The following SDK1 variants were observed in gnomAD, a reference collection of about 807,000 sequenced individuals.
SDK1 encodes protein sidekick-1.
Under a neutral mutation model 245.5 loss-of-function variants are expected in SDK1, and 157 were observed. That is an observed-to-expected ratio of 0.64 (90% CI 0.56 to 0.73). SDK1 has a LOEUF of 0.73. Ranked by LOEUF, SDK1 falls within the 30% of genes least tolerant of loss-of-function variation. The pLI is 0.00. For synonymous variants in SDK1, 1,647 were observed against 1,278.5 expected, an observed-to-expected ratio of 1.29 and a Z score of -6.15; for missense variants, 3,583 against 3,002.3, an observed-to-expected ratio of 1.19 and a Z score of -4.52.
intron 4 of SDK1, among the ~76,000 whole-genome samples, chr7:3,733,595 C>G (rs918136929): frequency 6.6e-6 from 1 of 152,162 alleles, no homozygotes; most frequent in South Asian, 2.1e-4. Flanking sequence ...GTGTTTACCT[C>G]TAGCCCGCGA....
intron 1 of SDK1, among the ~76,000 whole-genome samples, chr7:3,496,542 A>G (rs1290958062): frequency 6.6e-6 from 1 of 152,088 alleles, no homozygotes; most frequent in Admixed American, 6.6e-5. Context: ...AGGGAAAATC[A>G]TATTCTTTTG....
chr7:3,675,557 C>A (rs958361812), intron 4 of SDK1, among the ~76,000 whole-genome samples: 3 of 88,884 alleles, frequency 3.4e-5, no homozygotes, highest in African/African-American at 7.4e-5. Context: ...CCCCCTACTC[C>A]TTTTTGTTTG....
intron 38 of SDK1, among the ~76,000 whole-genome samples, chr7:4,217,720 A>T (rs1784916012): frequency 6.6e-6 from 1 of 152,192 alleles, no homozygotes; most frequent in African/African-American, 2.4e-5. Flanking sequence ...ATTTTTTAAA[A>T]TGTTTTTAAT....
chr7:3,639,830 G>C (rs1055232316), intron 3 of SDK1, among the ~76,000 whole-genome samples: 5 of 151,008 alleles, frequency 3.3e-5, no homozygotes, highest in Non-Finnish European at 7.4e-5. Flanking sequence ...ATAATTATAT[G>C]TCATATATAT....
At chr7:3,465,094 G>A (rs771644570) in intron 1 of SDK1, among the ~76,000 whole-genome samples, 8 of 152,158 alleles carry the variant, frequency 5.3e-5, no homozygotes, top group South Asian at 4.1e-4. Context: ...GGGCTAATCC[G>A]TAAGTGAGAT....
chr7:4,204,495 T>A (rs1784079689), intron 35 of SDK1, among the ~76,000 whole-genome samples: 1 of 151,954 alleles, frequency 6.6e-6, no homozygotes. Flanking sequence ...TAATTACTAT[T>A]TTATTCTGCG....
At chr7:3,377,249 C>T (rs1781377551) in intron 1 of SDK1, among the ~76,000 whole-genome samples, 1 of 152,084 alleles carries the variant, frequency 6.6e-6, no homozygotes, top group South Asian at 2.1e-4. Flanking sequence ...TCATCTTGCT[C>T]CTTCCCTCCC....
Position 3,645,090 on chromosome 7 carries a change from G to T in SDK1, c.713+2985G>T, listed in dbSNP as rs572481352. Among the ~76,000 whole-genome samples, 93 of 152,270 alleles carry T rather than the reference G, an allele frequency of 6.1e-4. 2 individuals are homozygous for T. In the South Asian group the frequency reaches 0.019, roughly 31 times the overall value. The stretch of plus-strand genomic sequence containing the variant: ...TAACCTGTGTTCTCACTATATGCAT[G>T]AGACAGCACTTATTCACGAGTATGA... On this transcript the variant is annotated intron_variant, in intron 4 of 44. Coordinates refer to ENST00000404826, the MANE Select transcript of SDK1 (RefSeq NM_152744.4).
chr7:3,883,774 C>T (rs1314565276), intron 5 of SDK1, among the ~76,000 whole-genome samples: 1 of 147,994 alleles, frequency 6.8e-6, no homozygotes, highest in Non-Finnish European at 1.5e-5. Flanking sequence ...GAATACAGTC[C>T]TTCCTCCATT....
intron 14 of SDK1, among the ~76,000 whole-genome samples, 169 bp from the exon 15 acceptor site, chr7:4,010,797 A>G (rs574748695): frequency 1.3e-5 from 2 of 152,340 alleles, no homozygotes; most frequent in African/African-American, 4.8e-5. Flanking sequence ...TACTAGCCAC[A>G]TGGCCAGAGC....
intron 5 of SDK1, among the ~76,000 whole-genome samples, chr7:3,894,228 A>C (rs2128102934): frequency 6.6e-6 from 1 of 152,310 alleles, no homozygotes; most frequent in Non-Finnish European, 1.5e-5. Flanking sequence ...GCTTTCACAA[A>C]ATTTAATTTA....
In SDK1 at chr7:3,669,491, C is replaced by T. The variant is rs556069061; in HGVS notation, c.713+27386C>T. ...GTATTGACTGTTCGGTTTACTTCCACCTTCTTTAACCACTCTCTTCTTTTG... is the reference window on the plus strand; with the variant it reads ...GTATTGACTGTTCGGTTTACTTCCATCTTCTTTAACCACTCTCTTCTTTTG... On this transcript the variant is annotated intron_variant, in intron 4 of 44. Transcript: ENST00000404826. Among the ~76,000 whole-genome samples the T allele has an allele frequency of 3.3e-5, 5 of 150,208 alleles. No homozygotes were observed. The East Asian group carries it at 5.9e-4, about 18-fold the overall frequency.
chr7:4,233,163 C>G, intron 40 of SDK1, 92 bp from the exon 41 acceptor site: 2 of 1,284,292 alleles, frequency 1.6e-6, no homozygotes, highest in Admixed American at 3.6e-5. Flanking sequence ...TCCAGGGCTG[C>G]TGCAAGCCGA....
At chr7:3,530,405 G>A (rs1010530263) in intron 1 of SDK1, among the ~76,000 whole-genome samples, 15 of 151,990 alleles carry the variant, frequency 9.9e-5, no homozygotes, top group African/African-American at 3.6e-4. Flanking sequence ...TAAAATTTTA[G>A]GGCTTCCCAA....
intron 4 of SDK1, among the ~76,000 whole-genome samples, chr7:3,677,274 T>C (rs1232607648): frequency 1.3e-5 from 2 of 152,190 alleles, no homozygotes; most frequent in African/African-American, 4.8e-5. Flanking sequence ...TCTTTGGCCC[T>C]GGATTCTTCT....
At chr7:3,479,421 CAAAAAAAA>C (rs56094646) in intron 1 of SDK1, among the ~76,000 whole-genome samples, 1 of 66,570 alleles carries the variant, frequency 1.5e-5, no homozygotes. Flanking sequence ...GACTGTGTCT[CAAAAAAAA>C]AAAAAAAAAA....
At chr7:3,381,167 T>C (rs980206016) in intron 1 of SDK1, among the ~76,000 whole-genome samples, 7 of 151,962 alleles carry the variant, frequency 4.6e-5, no homozygotes, top group African/African-American at 1.7e-4. Context: ...GGAAGTTTAG[T>C]GTTGAAGAGA....
intron 5 of SDK1, among the ~76,000 whole-genome samples, chr7:3,880,704 C>G (rs1014679059): frequency 6.6e-6 from 1 of 152,024 alleles, no homozygotes; most frequent in Non-Finnish European, 1.5e-5. Flanking sequence ...TTCCCCAGGT[C>G]GAGGTGGTGG....
chr7:3,623,200 C>T (rs1781998437), intron 2 of SDK1, among the ~76,000 whole-genome samples: 2 of 150,240 alleles, frequency 1.3e-5, no homozygotes, highest in Admixed American at 1.3e-4. Flanking sequence ...ATTTTCTTTG[C>T]TGTGTGCGTT....
Sources: gnomAD v4.1 joint callset for allele counts (sites outside exome capture counted in the v4.1 genomes callset) on GRCh38, gnomAD v4.1.1 for gene constraint, MANE v1.5 for transcripts, NCBI Gene and HGNC (gene_info 2026-07-23, HGNC 2026-07-21) for gene names.